The following ENTREP2 variants were observed in gnomAD, a reference collection of about 807,000 sequenced individuals.
The protein encoded by ENTREP2 is endosomal transmembrane epsin interactor 2.
At chr15:29,477,250 G>C in the ENTREP2 span, among the ~76,000 whole-genome samples, 9 of 152,134 alleles carry the variant, frequency 5.9e-5, no homozygotes, top group Non-Finnish European at 4.4e-5. Flanking sequence ...TTCACCTTTG[G>C]GGGCAGTAAG....
the ENTREP2 span, among the ~76,000 whole-genome samples, chr15:29,378,914 T>C: frequency 1.3e-5 from 2 of 152,222 alleles, no homozygotes; most frequent in Non-Finnish European, 2.9e-5. Flanking sequence ...CTATTGTGAA[T>C]GCCTTTACTC....
the ENTREP2 span, among the ~76,000 whole-genome samples, chr15:29,167,392 G>A: frequency 6.6e-6 from 1 of 152,108 alleles, no homozygotes; most frequent in Non-Finnish European, 1.5e-5. Context: ...AATCCACAGA[G>A]TGGGAGAAAA....
At chr15:29,296,718 T>G in the ENTREP2 span, among the ~76,000 whole-genome samples, 1,265 of 152,328 alleles carry the variant, frequency 8.3e-3, 10 homozygotes, top group Middle Eastern at 0.017. Flanking sequence ...TTTCTAGGGC[T>G]GCTGTAATCA....
chr15:29,362,547 T>G, the ENTREP2 span, among the ~76,000 whole-genome samples: 1 of 151,882 alleles, frequency 6.6e-6, no homozygotes, highest in African/African-American at 2.4e-5. Context: ...GCTAATTTTT[T>G]GTATTTTAGT....
At chr15:29,650,913 G>A in the ENTREP2 span, among the ~76,000 whole-genome samples, 1 of 152,130 alleles carries the variant, frequency 6.6e-6, no homozygotes, top group African/African-American at 2.4e-5. Flanking sequence ...CTACTTGGGA[G>A]GCTCAGGTGG....
chr15:29,133,040 T>A, the ENTREP2 span, among the ~76,000 whole-genome samples: 91 of 152,246 alleles, frequency 6.0e-4, no homozygotes, highest in African/African-American at 2.2e-3. Flanking sequence ...TCCGGGTCCA[T>A]CTGCCGCCCT....
the ENTREP2 span, among the ~76,000 whole-genome samples, chr15:29,577,980 G>T: frequency 6.6e-6 from 1 of 152,180 alleles, no homozygotes; most frequent in Non-Finnish European, 1.5e-5. Flanking sequence ...AATTGCAGAA[G>T]ATGAAGAGTT....
the ENTREP2 span, among the ~76,000 whole-genome samples, chr15:29,658,165 A>G: frequency 6.6e-6 from 1 of 152,172 alleles, no homozygotes; most frequent in South Asian, 2.1e-4. Flanking sequence ...ATCATGGAGC[A>G]GTTTCCCCCA....
At chr15:29,528,814 T>G in the ENTREP2 span, among the ~76,000 whole-genome samples, 1 of 152,200 alleles carries the variant, frequency 6.6e-6, no homozygotes, top group Non-Finnish European at 1.5e-5. Context: ...TTTTTGTGTT[T>G]CAAATGGAAC....
At chr15:29,226,136 G>A in the ENTREP2 span, among the ~76,000 whole-genome samples, 2 of 152,166 alleles carry the variant, frequency 1.3e-5, no homozygotes, top group African/African-American at 2.4e-5. Context: ...GACACGGGGC[G>A]CTCCCTCTGT....
chr15:29,527,411 T>C, the ENTREP2 span, among the ~76,000 whole-genome samples: 6 of 152,168 alleles, frequency 3.9e-5, no homozygotes, highest in Non-Finnish European at 5.9e-5. Context: ...TGATGAGTCT[T>C]TAGGAAAACA....
chr15:29,464,044 G>C, the ENTREP2 span, among the ~76,000 whole-genome samples: 1 of 152,154 alleles, frequency 6.6e-6, no homozygotes, highest in South Asian at 2.1e-4. Flanking sequence ...AGGGGTTCCA[G>C]GGGCCGGGGA....
the ENTREP2 span, among the ~76,000 whole-genome samples, chr15:29,522,351 T>C: frequency 3.3e-5 from 5 of 152,244 alleles, no homozygotes; most frequent in African/African-American, 1.2e-4. Context: ...ATACAGGTCT[T>C]GTACCTAGAA....
the ENTREP2 span, among the ~76,000 whole-genome samples, chr15:29,541,748 C>T: frequency 1.3e-5 from 2 of 152,118 alleles, no homozygotes; most frequent in Non-Finnish European, 2.9e-5. Flanking sequence ...TGGCTGGGCA[C>T]AGAGAGCACA....
the ENTREP2 span, among the ~76,000 whole-genome samples, chr15:29,327,266 C>A: frequency 2.0e-5 from 3 of 151,996 alleles, no homozygotes; most frequent in Admixed American, 2.0e-4. Flanking sequence ...AAAAGTAAAA[C>A]TCAACAATAA....
chr15:29,624,350 C>T, the ENTREP2 span, among the ~76,000 whole-genome samples: 2 of 152,172 alleles, frequency 1.3e-5, no homozygotes, highest in Non-Finnish European at 2.9e-5. Context: ...CACACACACA[C>T]GTACAATATA....
chr15:29,632,537 T>C, the ENTREP2 span, among the ~76,000 whole-genome samples: 1 of 152,032 alleles, frequency 6.6e-6, no homozygotes, highest in Non-Finnish European at 1.5e-5. Flanking sequence ...ATCCCAACAC[T>C]TTGGGAAGCT....
chr15:29,468,005 G>A, the ENTREP2 span, among the ~76,000 whole-genome samples: 1 of 152,156 alleles, frequency 6.6e-6, no homozygotes, highest in East Asian at 1.9e-4. Flanking sequence ...TAAAGACCTT[G>A]CACCACAGCA....
chr15:29,607,668 T>G, the ENTREP2 span, among the ~76,000 whole-genome samples: 1 of 152,192 alleles, frequency 6.6e-6, no homozygotes, highest in South Asian at 2.1e-4. Context: ...CTCTCTAGTT[T>G]TTAAAATTAC....
Sources: allele counts gnomAD v4.1 joint callset (sites outside exome capture counted in the v4.1 genomes callset), GRCh38; gene constraint gnomAD v4.1.1; transcripts MANE v1.5; gene names NCBI Gene and HGNC (gene_info 2026-07-23, HGNC 2026-07-21).